KLF8: variants seen among roughly 807,000 people sequenced by gnomAD.
KLF8 encodes KLF transcription factor 8.
In KLF8, 10 loss-of-function variants were observed where a neutral mutation model predicts 18.2. That is an observed-to-expected ratio of 0.55 (90% CI 0.34 to 0.93). KLF8 has a LOEUF of 0.93. Among genes scored for constraint, KLF8 ranks in the 40% least tolerant of loss-of-function variants. The pLI is 0.02. For synonymous variants in KLF8, 109 were observed against 97.3 expected (o/e 1.12, Z -0.71); for missense variants, 264 against 277.9 (o/e 0.95, Z 0.36).
the KLF8 span, among the ~76,000 whole-genome samples, chrX:56,052,766 C>G: frequency 8.9e-6 from 1 of 112,143 alleles, no homozygotes; most frequent in South Asian, 3.7e-4. Context: ...AGGAGGCAGG[C>G]AGGCCTCCTT....
At chrX:56,043,554 T>C in the KLF8 span, among the ~76,000 whole-genome samples, 1 of 111,882 alleles carries the variant, frequency 8.9e-6, no homozygotes, top group African/African-American at 3.2e-5. Context: ...GCCTGTCTTA[T>C]TTCAGAAAGA....
At chrX:56,101,047 G>T in the KLF8 span, among the ~76,000 whole-genome samples, 1 of 111,120 alleles carries the variant, frequency 9.0e-6, no homozygotes, top group Non-Finnish European at 1.9e-5. Context: ...TGAGGTTTGG[G>T]ATATGGATGA....
chrX:56,180,290 G>T, the KLF8 span, among the ~76,000 whole-genome samples: 2 of 111,583 alleles, frequency 1.8e-5, no homozygotes, highest in Non-Finnish European at 1.9e-5. Flanking sequence ...ATTCTCTGAT[G>T]GTAGTTTGTA....
the KLF8 span, among the ~76,000 whole-genome samples, chrX:55,994,418 T>G: frequency 9.0e-6 from 1 of 110,500 alleles, no homozygotes; most frequent in South Asian, 3.8e-4. Flanking sequence ...CGTCTAAATT[T>G]TGTTCAGTTT....
the KLF8 span, among the ~76,000 whole-genome samples, chrX:56,058,223 T>TATATAC: frequency 1.5e-4 from 10 of 68,799 alleles, no homozygotes; most frequent in African/African-American, 8.0e-4. Flanking sequence ...TATACGTGTA[T>TATATAC]ATATATATAC....
intron 5 of KLF8, among the ~76,000 whole-genome samples, chrX:56,279,293 C>T (rs1303599878): frequency 1.3e-4 from 15 of 111,288 alleles, no homozygotes. Context: ...GGCCCCCTTG[C>T]TCTGCCCCTC....
chrX:56,230,325 C>G (rs1490174435), upstream of KLF8, among the ~76,000 whole-genome samples: 1 of 112,290 alleles, frequency 8.9e-6, no homozygotes, highest in Non-Finnish European at 1.9e-5. Flanking sequence ...TTGCTCAAAA[C>G]AGTGCTGTAG....
chrX:56,034,611 A>G, the KLF8 span, among the ~76,000 whole-genome samples: 2 of 111,166 alleles, frequency 1.8e-5, no homozygotes, highest in Non-Finnish European at 3.8e-5. Flanking sequence ...TAACTAACAT[A>G]TTTATCATCT....
At chrX:56,146,349 C>T in the KLF8 span, among the ~76,000 whole-genome samples, 1 of 111,953 alleles carries the variant, frequency 8.9e-6, no homozygotes, top group Admixed American at 9.5e-5. Flanking sequence ...AAAGAAAGTG[C>T]AGCACATATA....
the KLF8 span, among the ~76,000 whole-genome samples, chrX:56,134,421 A>G: frequency 2.7e-5 from 3 of 111,609 alleles, no homozygotes; most frequent in African/African-American, 9.8e-5. Context: ...GAGAAAGGAC[A>G]CCCTTTTCAA....
At chrX:55,957,627 T>C in the KLF8 span, among the ~76,000 whole-genome samples, 1 of 112,134 alleles carries the variant, frequency 8.9e-6, no homozygotes, top group African/African-American at 3.2e-5. Flanking sequence ...GGTTTATCCT[T>C]AAGTATTTTA....
At chrX:56,069,250 G>A in the KLF8 span, among the ~76,000 whole-genome samples, 1 of 112,046 alleles carries the variant, frequency 8.9e-6, no homozygotes, top group Non-Finnish European at 1.9e-5. Flanking sequence ...CACCTGGATG[G>A]CAGGGTGCAT....
the KLF8 span, among the ~76,000 whole-genome samples, chrX:56,171,311 G>C: frequency 1.8e-5 from 2 of 111,671 alleles, no homozygotes; most frequent in Non-Finnish European, 3.8e-5. Flanking sequence ...TTTTATTTTT[G>C]ATTATTTTCT....
the KLF8 span, among the ~76,000 whole-genome samples, chrX:55,933,034 AT>A: frequency 9.8e-4 from 110 of 111,906 alleles, no homozygotes; most frequent in African/African-American, 3.5e-3. Context: ...TGTTTTAACT[AT>A]TGAGATACTC....
At chrX:56,142,049 C>A in the KLF8 span, among the ~76,000 whole-genome samples, 1 of 111,939 alleles carries the variant, frequency 8.9e-6, no homozygotes, top group African/African-American at 3.2e-5. Context: ...CTTTTCCCAG[C>A]AAATTTTTAT....
At chrX:56,181,555 G>C in the KLF8 span, among the ~76,000 whole-genome samples, 5 of 111,782 alleles carry the variant, frequency 4.5e-5, no homozygotes, top group Non-Finnish European at 9.4e-5. Context: ...TTTCTTCCTA[G>C]CATCAGTGGT....
the KLF8 span, among the ~76,000 whole-genome samples, chrX:55,981,790 A>G: frequency 4.9e-3 from 551 of 111,694 alleles, 4 homozygotes; most frequent in African/African-American, 0.017. Flanking sequence ...CCGAACAATG[A>G]CAACAATGTA....
the KLF8 span, among the ~76,000 whole-genome samples, chrX:56,204,086 T>C: frequency 0.077 from 8,609 of 111,343 alleles, 825 homozygotes; most frequent in African/African-American, 0.27. Flanking sequence ...TTTAGTGTTC[T>C]CTTAAATTTC....
At chrX:56,007,751 G>A in the KLF8 span, among the ~76,000 whole-genome samples, 2 of 111,183 alleles carry the variant, frequency 1.8e-5, no homozygotes, top group African/African-American at 6.6e-5. Context: ...AAAGTACAAT[G>A]CATTAGACTA....
Sources: gnomAD v4.1 joint callset for allele counts (sites outside exome capture counted in the v4.1 genomes callset) on GRCh38, gnomAD v4.1.1 for gene constraint, MANE v1.5 for transcripts, NCBI Gene and HGNC (gene_info 2026-07-23, HGNC 2026-07-21) for gene names.